ADAP1: variants seen among roughly 807,000 people sequenced by gnomAD.
The protein encoded by ADAP1 is arf-GAP with dual PH domain-containing protein 1.
In ADAP1, 31 loss-of-function variants were observed where a neutral mutation model predicts 54.9. The ratio of observed to expected loss-of-function variants is 0.56; its 90% confidence interval spans 0.42 to 0.76. The LOEUF is 0.76. Ranked by LOEUF, ADAP1 falls within the 30% of genes least tolerant of loss-of-function variation. The pLI is 0.00. For synonymous variants in ADAP1, 313 were observed against 202.6 expected, an observed-to-expected ratio of 1.55 and a Z score of -4.63; for missense variants, 535 against 512.4, an observed-to-expected ratio of 1.04 and a Z score of -0.42.
rs186892286 is a variant in ADAP1, at chr7:912,385, C to A, written c.389-7213G>T. On this transcript the variant is annotated intron_variant, in intron 4 of 10. Coordinates refer to ENST00000265846, the MANE Select transcript of ADAP1 (RefSeq NM_006869.4). ...CTGTCACCAGGGTCACCCCCAGGGG[C>A]AGGCGGGGGGCAAGTCTGGCTCAGA... is the stretch of plus-strand genomic sequence containing the variant. 4.4e-4 allele frequency among the ~76,000 whole-genome samples: 67 copies of A among 152,292 alleles called. No individual in the cohort carries two copies. In the East Asian group the frequency reaches 0.013, roughly 29 times the overall value.
intron 2 of ADAP1, among the ~76,000 whole-genome samples, chr7:934,509 G>T (rs184522529): frequency 2.0e-5 from 3 of 152,076 alleles, no homozygotes; most frequent in African/African-American, 7.2e-5. Context: ...ACCTCCATGC[G>T]GCCCTTCGGT....
At chr7:908,446 G>A (rs990736495) in intron 4 of ADAP1, among the ~76,000 whole-genome samples, 8 of 152,136 alleles carry the variant, frequency 5.3e-5, no homozygotes, top group Non-Finnish European at 7.4e-5. Context: ...CTCACTGCCC[G>A]GAGCTCCCCG....
intron 1 of ADAP1, among the ~76,000 whole-genome samples, chr7:937,172 C>T (rs1444965877): frequency 1.8e-4 from 17 of 96,480 alleles, no homozygotes; most frequent in Admixed American, 4.7e-4. Context: ...TTGGGGGTCA[C>T]GCCCGACCTC....
chr7:941,449 T>A (rs1252517330), intron 1 of ADAP1, among the ~76,000 whole-genome samples: 5 of 152,144 alleles, frequency 3.3e-5, no homozygotes, highest in African/African-American at 1.2e-4. Context: ...AACTAACAAG[T>A]TTAGCAAGGT....
intron 1 of ADAP1, among the ~76,000 whole-genome samples, chr7:947,214 G>GTTTT (rs373444087): frequency 3.8e-4 from 32 of 84,178 alleles, no homozygotes; most frequent in Middle Eastern, 0.011. Context: ...TGATTTTTTG[G>GTTTT]TTTTTTTTTT....
At chr7:951,443 C>T (rs867934018) in intron 1 of ADAP1, among the ~76,000 whole-genome samples, 3 of 152,060 alleles carry the variant, frequency 2.0e-5, no homozygotes, top group Non-Finnish European at 2.9e-5. Context: ...GCCCAGCCCC[C>T]GCCCACACTC....
At chr7:905,298 C>A (rs1458095173) in intron 4 of ADAP1, 126 bp from the exon 5 acceptor site, 3 of 260,234 alleles carry the variant, frequency 1.2e-5, no homozygotes, top group Non-Finnish European at 1.3e-5. Flanking sequence ...GGGACACGGA[C>A]AGGGGGAGAC....
chr7:918,437 C>A lies in ADAP1; in HGVS notation c.388+1531G>T, dbSNP rs1846021963. The stretch of plus-strand genomic sequence containing the variant: ...TTAGATGTTGCCCAGGCTTGTTTGA[C>A]CACCAGTGATCCTCCTGCCTTGGCC... On this transcript the variant is annotated intron_variant, in intron 4 of 10. Transcript: ENST00000265846. Among the ~76,000 whole-genome samples, 2 of 152,150 alleles carry A rather than the reference C, an allele frequency of 1.3e-5. 1 individual carries two copies. Among genetic ancestry groups the A allele is most frequent in the South Asian group, 4.1e-4 (2 of 4,826 alleles).
intron 4 of ADAP1, 97 bp downstream of exon 4, chr7:919,871 G>A (rs1846115348): frequency 3.4e-6 from 2 of 580,084 alleles, no homozygotes; most frequent in Non-Finnish European, 5.5e-6. Flanking sequence ...GGGGAGGGAG[G>A]GAAAGAGATG....
At chr7:929,358 C>T (rs77988542) in intron 2 of ADAP1, among the ~76,000 whole-genome samples, 3,717 of 151,374 alleles carry the variant, frequency 0.025, 100 homozygotes, top group East Asian at 0.12. Context: ...CTTGGACACA[C>T]GGTGCCCATG....
rs1236080485 is a variant in ADAP1 at position 899,493 on chromosome 7, G to A, written c.796-3C>T. 2 of 1,612,662 alleles carry A rather than the reference G, an allele frequency of 1.2e-6. No individual in the cohort carries two copies. The highest frequency in any genetic ancestry group is 2.2e-5 in the East Asian group (1 of 44,846). ...CGCTTCCGGAAGCCTTCCGTTTGCT[G>A]TGGGTCAGAGAGGGCCCGTGACCGG... On this transcript the variant is annotated splice_region_variant and splice_polypyrimidine_tract_variant and intron_variant, in intron 8 of 10. Transcript: ENST00000265846.
intron 1 of ADAP1, among the ~76,000 whole-genome samples, chr7:936,275 G>A (rs1165923480): frequency 2.0e-5 from 3 of 151,762 alleles, no homozygotes; most frequent in African/African-American, 4.9e-5. Context: ...ATCTCGGCTC[G>A]CTGCAACCTC....
chr7:937,017 G>A (rs950047302), intron 1 of ADAP1, among the ~76,000 whole-genome samples: 3 of 152,226 alleles, frequency 2.0e-5, no homozygotes, highest in African/African-American at 4.8e-5. Context: ...GCCCCCGGCC[G>A]GGGATGGTGC....
intron 6 of ADAP1, chr7:900,872 CGAAGGGCCGAA>C (rs1295584601): frequency 2.3e-5 from 4 of 177,160 alleles, no homozygotes; most frequent in Non-Finnish European, 4.0e-5. Context: ...TGAGAAGGGC[CGAAGGGCCGAA>C]GGGCCGGGCC....
chr7:905,879 A>C (rs1845244995), intron 4 of ADAP1, among the ~76,000 whole-genome samples: 5 of 21,742 alleles, frequency 2.3e-4, no homozygotes, highest in Non-Finnish European at 5.5e-4. Flanking sequence ...AGAAGGGAGA[A>C]AGGAGAAAGG....
chr7:954,500 C>T lies in ADAP1; in HGVS notation c.-23G>A. On this transcript the variant is annotated 5_prime_UTR_variant, in exon 1 of 11. Coordinates refer to ENST00000265846, the MANE Select transcript of ADAP1 (RefSeq NM_006869.4). ...CATGGCCGCGATGCGCCCGCGATGC[C>T]GATGCCGGGGCCGGGGCCGGGAGCG... is the stretch of plus-strand genomic sequence containing the variant. 2.0e-6 allele frequency: 2 copies of T among 1,014,996 alleles called. No individual in the cohort carries two copies. Among genetic ancestry groups the T allele is most frequent in the Non-Finnish European group, 2.3e-6 (2 of 851,484 alleles). The allele number at this position is 1,014,996 out of a possible 1,614,324, so 62.9% of individuals were successfully genotyped here.
intron 6 of ADAP1, chr7:900,874 AAGGGCCG>A (rs1405129047): frequency 1.9e-5 from 12 of 616,222 alleles, no homozygotes; most frequent in South Asian, 4.6e-5. Context: ...AGAAGGGCCG[AAGGGCCG>A]AAGGGCCGGG....
Position 926,913 on chromosome 7 carries a change from G to T in ADAP1, c.214-269C>A, listed in dbSNP as rs999513309. ...CAGGGGCCAGGCCCCTTTTGAGGAT[G>T]GGTCTGAGGTTTGCCCCACCGTTTC... On this transcript the variant is annotated intron_variant, in intron 2 of 10. Coordinates refer to ENST00000265846, the MANE Select transcript of ADAP1 (RefSeq NM_006869.4). This position sits in a 1 kb window ranked among gnomAD's most constrained non-coding sequence, Gnocchi z 4.6. 1 of 1,131,146 alleles carries T rather than the reference G, an allele frequency of 8.8e-7. No individual in the cohort carries two copies. The highest frequency in any genetic ancestry group is 1.6e-5 in the African/African-American group (1 of 61,354). The allele number at this position is 1,131,146 out of a possible 1,614,324, so 70.1% of individuals were successfully genotyped here. A position where few individuals can be genotyped will look rare whatever the true frequency, so the allele number is the denominator to read the frequency against.
intron 4 of ADAP1, among the ~76,000 whole-genome samples, chr7:906,773 GACA>G (rs1845461278): frequency 7.0e-5 from 2 of 28,594 alleles, no homozygotes; most frequent in South Asian, 1.2e-3. Flanking sequence ...GGACATGGGG[GACA>G]GGGGACACGG....
Sources: allele counts gnomAD v4.1 joint callset (sites outside exome capture counted in the v4.1 genomes callset), GRCh38; gene constraint gnomAD v4.1.1; non-coding constraint Gnocchi (gnomAD v3.1); transcripts MANE v1.5; gene names NCBI Gene and HGNC (gene_info 2026-07-23, HGNC 2026-07-21).